VPS13D: variants seen among roughly 807,000 people sequenced by gnomAD.
VPS13D encodes intermembrane lipid transfer protein VPS13D.
VPS13D carries 187 observed loss-of-function variants against 461.9 expected under a neutral mutation model. The observed-to-expected ratio is 0.40, with a 90% CI of 0.36 to 0.46. The LOEUF is 0.46. Among genes scored for constraint, VPS13D ranks in the 20% least tolerant of loss-of-function variants. The pLI, the probability that VPS13D is intolerant of heterozygous loss-of-function variation, is 0.60. For synonymous variants in VPS13D, 1,951 were observed against 1,986.3 expected (o/e 0.98, Z 0.47); for missense variants, 4,711 against 5,364.9 (o/e 0.88, Z 3.81).
At chr1:12,272,269 G>T (rs1641465842) in intron 17 of VPS13D, among the ~76,000 whole-genome samples, 1 of 152,160 alleles carries the variant, frequency 6.6e-6, no homozygotes, top group Admixed American at 6.5e-5. Flanking sequence ...GTGGCACAGT[G>T]AGAAAAAGTG....
At chr1:12,335,978 G>T in intron 39 of VPS13D, 151 bp downstream of exon 39, 1 of 1,174,136 alleles carries the variant, frequency 8.5e-7, no homozygotes, top group Non-Finnish European at 1.2e-6. Context: ...AGTCTTTGCA[G>T]GAGACAGTTT....
chr1:12,233,739 T>C (rs896487698), intron 1 of VPS13D, among the ~76,000 whole-genome samples: 1 of 152,142 alleles, frequency 6.6e-6, no homozygotes, highest in Non-Finnish European at 1.5e-5. Flanking sequence ...TTACAGAGCT[T>C]CTTGCCTCAT....
At chr1:12,378,397 C>G (rs988885817) in intron 55 of VPS13D, 31 bp from the exon 56 acceptor site, 1 of 1,549,838 alleles carries the variant, frequency 6.5e-7, no homozygotes, top group Non-Finnish European at 8.7e-7. Context: ...CATAATGGCT[C>G]TTTCTCTTTT....
chr1:12,386,963 T>A (rs1254131418), intron 60 of VPS13D, among the ~76,000 whole-genome samples: 4 of 152,150 alleles, frequency 2.6e-5, no homozygotes, highest in African/African-American at 9.7e-5. Context: ...TATCTATAGT[T>A]ATAGGATGGT....
intron 60 of VPS13D, among the ~76,000 whole-genome samples, chr1:12,391,645 C>T (rs774160724): frequency 5.9e-5 from 9 of 152,102 alleles, no homozygotes; most frequent in Non-Finnish European, 1.3e-4. Flanking sequence ...GGTTTCACCA[C>T]GTTGGCCAGC....
At chr1:12,265,444 T>C (rs1275854715) in intron 13 of VPS13D, among the ~76,000 whole-genome samples, 1 of 152,144 alleles carries the variant, frequency 6.6e-6, no homozygotes, top group Non-Finnish European at 1.5e-5. Flanking sequence ...AGCCTCAACT[T>C]TTATTATTCA....
rs139310887 is a variant in VPS13D at position 12,479,243 on chromosome 1, C to T, written c.12663-18257C>T. On this transcript the variant is annotated intron_variant, in intron 67 of 69. Transcript: ENST00000620676. ...TCAGAAAGAAAGGGCTGCCTGTGTT[C>T]AAAGGACAAAAGGAAGAAAGTGGGC... Among the ~76,000 whole-genome samples the T allele has an allele frequency of 2.0e-5, 3 of 152,296 alleles. No homozygotes were observed. The East Asian group carries it at 5.8e-4, about 29-fold the overall frequency.
intron 22 of VPS13D, among the ~76,000 whole-genome samples, chr1:12,289,840 G>A (rs1373152579): frequency 6.6e-6 from 1 of 152,102 alleles, no homozygotes; most frequent in African/African-American, 2.4e-5. Context: ...GGAGGCTGAG[G>A]TGGTTGGATT....
chr1:12,456,220 T>C, intron 66 of VPS13D, 90 bp downstream of exon 66: 2 of 1,490,692 alleles, frequency 1.3e-6, no homozygotes, highest in South Asian at 2.8e-5. Context: ...AAAAGAAAGG[T>C]GGGCTGGGCG....
At chr1:12,422,848 C>CTTTT (rs748419781) in intron 65 of VPS13D, among the ~76,000 whole-genome samples, 1 of 130,532 alleles carries the variant, frequency 7.7e-6, no homozygotes, top group Admixed American at 7.6e-5. Flanking sequence ...TTTTGAAGGT[C>CTTTT]TTTTTTTTTT....
intron 67 of VPS13D, chr1:12,478,727 C>G (rs1199855277): frequency 4.0e-5 from 18 of 451,910 alleles, no homozygotes; most frequent in South Asian, 2.3e-4. Context: ...GCAAAGCAGT[C>G]TGCCTCCCTC....
intron 36 of VPS13D, among the ~76,000 whole-genome samples, chr1:12,329,063 T>C (rs1025151488): frequency 5.9e-5 from 9 of 152,228 alleles, no homozygotes; most frequent in African/African-American, 2.2e-4. Context: ...TTTGACTGTT[T>C]TGATGAATAT....
chr1:12,277,434 T>C lies in VPS13D; in HGVS notation c.3846T>C (p.Cys1282=), dbSNP rs1641648530. Residue 1282 remains cysteine (C), a synonymous_variant, in exon 19 of 70, where the codon TGT becomes TGC. Coordinates refer to ENST00000620676, the MANE Select transcript of VPS13D (RefSeq NM_015378.4). ...TTGTTGAGAGATCTAAACAGGAGTG[T>C]TTTCTCAACCTGAAGATGGCTTCTT... ...FTFVERSKQE[C]FLNLKMASLH... The C allele has an allele frequency of 6.2e-7, 1 of 1,613,936 alleles. No individual in the cohort carries two copies. The highest frequency in any genetic ancestry group is 1.7e-5 in the Admixed American group (1 of 59,974).
Position 12,311,636 on chromosome 1 carries a change from C to T in VPS13D, c.6822+11C>T, listed in dbSNP as rs757416207. The T allele has an allele frequency of 1.2e-6, 2 of 1,613,504 alleles. No homozygotes were observed. The highest frequency in any genetic ancestry group is 1.1e-5 in the South Asian group (1 of 90,992). On this transcript the variant is annotated intron_variant, in intron 28 of 69. Coordinates refer to ENST00000620676, the MANE Select transcript of VPS13D (RefSeq NM_015378.4). The stretch of plus-strand genomic sequence containing the variant: ...GATCCAAGAATTCATGTGAGTGAGA[C>T]CTTATGTTCTTCTGTCACTCTCATA...
At chr1:12,230,303 C>G (rs893078822) in intron 1 of VPS13D, among the ~76,000 whole-genome samples, 183 bp downstream of exon 1, 1 of 152,064 alleles carries the variant, frequency 6.6e-6, no homozygotes, top group Non-Finnish European at 1.5e-5. Context: ...CTCGGGGTAA[C>G]CCTGGGCGTC....
rs192862190 is a variant in VPS13D, at chr1:12,451,192, C to T, written c.12334-4806C>T. ...TTTCAGTTTTAGAAAATCAACCCTT[C>T]GGAGCCAGGCCCCAAACCCAGGCTA... On this transcript the variant is annotated intron_variant, in intron 65 of 69. Coordinates refer to ENST00000620676, the MANE Select transcript of VPS13D (RefSeq NM_015378.4). 9.2e-5 allele frequency among the ~76,000 whole-genome samples: 14 copies of T among 152,312 alleles called. No homozygotes were observed. The East Asian group carries it at 1.2e-3, about 13-fold the overall frequency.
chr1:12,454,538 A>G (rs1300676791), intron 65 of VPS13D, among the ~76,000 whole-genome samples: 1 of 152,254 alleles, frequency 6.6e-6, no homozygotes, highest in Non-Finnish European at 1.5e-5. Flanking sequence ...AGTAAAAGGC[A>G]TGAGTCTTCC....
At chr1:12,455,745 C>G (rs571174781) in intron 65 of VPS13D, among the ~76,000 whole-genome samples, 1 of 151,906 alleles carries the variant, frequency 6.6e-6, no homozygotes, top group Non-Finnish European at 1.5e-5. Context: ...ATGGTGAAAC[C>G]CCATCTCTGC....
rs1201476202 is a variant in VPS13D at position 12,379,408 on chromosome 1, G to A, written c.11082-80G>A. ...GGGCATTAGAAGGAAGAAGAGCAAA[G>A]CCATCATCCTCATGTTCCCTTCAGG... On this transcript the variant is annotated intron_variant, in intron 56 of 69. Coordinates refer to ENST00000620676, the MANE Select transcript of VPS13D (RefSeq NM_015378.4). 5 of 1,299,368 alleles carry A rather than the reference G, an allele frequency of 3.8e-6. No homozygotes were observed. In the African/African-American group the frequency reaches 5.9e-5, roughly 15 times the overall value. The allele number at this position is 1,299,368 out of a possible 1,614,324, so 80.5% of individuals were successfully genotyped here.
Sources: allele counts gnomAD v4.1 joint callset (sites outside exome capture counted in the v4.1 genomes callset), GRCh38; gene constraint gnomAD v4.1.1; transcripts MANE v1.5; gene names NCBI Gene and HGNC (gene_info 2026-07-23, HGNC 2026-07-21).